Variants in CAP2 observed in about 807,000 individuals in gnomAD.
CAP2 encodes adenylyl cyclase-associated protein 2.
CAP2 carries 24 observed loss-of-function variants against 57.7 expected under a neutral mutation model. The ratio of observed to expected loss-of-function variants is 0.42; its 90% CI spans 0.30 to 0.58. The LOEUF is 0.58. Among genes scored for constraint, CAP2 ranks in the 20% least tolerant of loss-of-function variants. The pLI is 0.22. For missense variants in CAP2, 501 were observed against 590.3 expected (o/e 0.85, Z 1.57); for synonymous variants, 194 against 207.2 (o/e 0.94, Z 0.55).
At chr6:17,408,904 T>C (rs62393830) in intron 1 of CAP2, among the ~76,000 whole-genome samples, 40,610 of 150,738 alleles carry the variant, frequency 0.27, 6,196 homozygotes, top group Admixed American at 0.33. Flanking sequence ...CTCCTGACCT[T>C]GTGATCCGCC....
chr6:17,450,887 T>TAAGGTAGA (rs1251299247), intron 3 of CAP2, among the ~76,000 whole-genome samples: 1 of 152,224 alleles, frequency 6.6e-6, no homozygotes, highest in Non-Finnish European at 1.5e-5. Flanking sequence ...GTGCTTTGGC[T>TAAGGTAGA]AAGGTAGAGC....
chr6:17,556,254 A>G (rs1763311804), intron 12 of CAP2, 105 bp from the exon 13 acceptor site: 3 of 777,450 alleles, frequency 3.9e-6, no homozygotes, highest in Non-Finnish European at 2.2e-6. Context: ...TTCTTTGCCT[A>G]TCATGTGGCA....
intron 4 of CAP2, among the ~76,000 whole-genome samples, chr6:17,498,180 GA>G (rs1761714693): frequency 6.6e-6 from 1 of 152,160 alleles, no homozygotes; most frequent in Admixed American, 6.5e-5. Flanking sequence ...ACAAAATCTA[GA>G]AATGATGAGA....
chr6:17,418,632 A>T, intron 1 of CAP2, among the ~76,000 whole-genome samples: 1 of 152,272 alleles, frequency 6.6e-6, no homozygotes, highest in East Asian at 1.9e-4. Flanking sequence ...GGCTGGTGCC[A>T]TTCTGTTGGG....
chr6:17,511,782 G>A (rs1762160572), intron 6 of CAP2, among the ~76,000 whole-genome samples: 1 of 152,110 alleles, frequency 6.6e-6, no homozygotes, highest in African/African-American at 2.4e-5. Context: ...AATACAGCAA[G>A]TCATTTATTT....
At chr6:17,539,218 G>C (rs1480994683) in intron 7 of CAP2, 51 bp from the exon 8 acceptor site, 21 of 1,533,514 alleles carry the variant, frequency 1.4e-5, no homozygotes, top group African/African-American at 2.8e-5. Context: ...CAAAATCCCA[G>C]CAAGGGCGCA....
At chr6:17,538,865 C>T (rs1286240938) in intron 7 of CAP2, among the ~76,000 whole-genome samples, 5 of 152,220 alleles carry the variant, frequency 3.3e-5, no homozygotes, top group African/African-American at 1.2e-4. Flanking sequence ...CATTGGTGGT[C>T]ACAGTTTCCA....
At chr6:17,511,685 C>G (rs1762156431) in intron 6 of CAP2, among the ~76,000 whole-genome samples, 1 of 152,078 alleles carries the variant, frequency 6.6e-6, no homozygotes, top group Non-Finnish European at 1.5e-5. Context: ...AACTCCTAAC[C>G]GCAAATGATC....
At chr6:17,399,138 G>A (rs377231820) in intron 1 of CAP2, among the ~76,000 whole-genome samples, 9 of 152,150 alleles carry the variant, frequency 5.9e-5, no homozygotes, top group African/African-American at 1.9e-4. Context: ...ATCTCGGCTC[G>A]CTGCAACCTC....
chr6:17,496,213 T>C (rs1019058665), intron 4 of CAP2, among the ~76,000 whole-genome samples: 4 of 152,266 alleles, frequency 2.6e-5, no homozygotes, highest in Admixed American at 1.3e-4. Context: ...AGCATCTCCC[T>C]GGGTCTATTC....
chr6:17,497,287 T>A (rs983755786), intron 4 of CAP2, among the ~76,000 whole-genome samples: 1 of 152,154 alleles, frequency 6.6e-6, no homozygotes, highest in African/African-American at 2.4e-5. Context: ...CTCCTCAGCT[T>A]TTATGTGCAG....
chr6:17,494,431 C>T (rs1023938056), intron 4 of CAP2, among the ~76,000 whole-genome samples: 4 of 152,142 alleles, frequency 2.6e-5, no homozygotes, highest in African/African-American at 7.2e-5. Context: ...TTGTAGTGGC[C>T]GTTTCCTCTC....
intron 3 of CAP2, among the ~76,000 whole-genome samples, chr6:17,434,231 C>CTTTTTTTTTT (rs1219210615): frequency 2.9e-5 from 4 of 137,114 alleles, no homozygotes; most frequent in African/African-American, 1.3e-4. Context: ...CTCTTTTTTT[C>CTTTTTTTTTT]TTTCTTTTTT....
intron 7 of CAP2, among the ~76,000 whole-genome samples, chr6:17,523,321 G>C (rs1002053827): frequency 1.1e-4 from 16 of 152,264 alleles, no homozygotes; most frequent in Non-Finnish European, 1.8e-4. Context: ...GAAATCGCAA[G>C]GAGGAGCTGG....
chr6:17,462,155 T>TA (rs1760748070), intron 3 of CAP2, among the ~76,000 whole-genome samples: 1 of 151,766 alleles, frequency 6.6e-6, no homozygotes, highest in South Asian at 2.1e-4. Context: ...CCTTGTGGGG[T>TA]GTTGAGTCCA....
intron 1 of CAP2, among the ~76,000 whole-genome samples, chr6:17,416,768 T>G (rs1199926300): frequency 6.6e-6 from 1 of 152,210 alleles, no homozygotes; most frequent in African/African-American, 2.4e-5. Flanking sequence ...CTATTGATTC[T>G]TTAAATTATG....
At chr6:17,448,486 G>C (rs988665919) in intron 3 of CAP2, among the ~76,000 whole-genome samples, 1 of 152,202 alleles carries the variant, frequency 6.6e-6, no homozygotes, top group African/African-American at 2.4e-5. Flanking sequence ...ATTCATGCCT[G>C]TCAGAAAAGC....
intron 3 of CAP2, among the ~76,000 whole-genome samples, chr6:17,450,045 T>C (rs1238637578): frequency 6.6e-6 from 1 of 151,808 alleles, no homozygotes; most frequent in Non-Finnish European, 1.5e-5. Context: ...AAACCATTTA[T>C]CAGTTCTACC....
chr6:17,550,956 G>A (rs1763158506), intron 11 of CAP2, among the ~76,000 whole-genome samples: 1 of 152,100 alleles, frequency 6.6e-6, no homozygotes. Flanking sequence ...GAAAAGAATG[G>A]TAGTGTTTCT....
Sources: gnomAD v4.1 joint callset for allele counts (sites outside exome capture counted in the v4.1 genomes callset) on GRCh38, gnomAD v4.1.1 for gene constraint, MANE v1.5 for transcripts, NCBI Gene and HGNC (gene_info 2026-07-23, HGNC 2026-07-21) for gene names.